ENOX1: variants seen among roughly 807,000 people sequenced by gnomAD.
The protein encoded by ENOX1 is ecto-NOX disulfide-thiol exchanger 1.
Under a neutral mutation model 82.5 loss-of-function variants are expected in ENOX1, and 42 were observed. The observed-to-expected ratio is 0.51, with a 90% CI of 0.40 to 0.66. The LOEUF (loss-of-function observed/expected upper bound fraction) is 0.66, where lower values mean the gene tolerates loss of function less well. ENOX1 is among the 30% of genes least tolerant of loss of function. The pLI is 0.00. For synonymous variants in ENOX1, 271 were observed against 282.2 expected (o/e 0.96, Z 0.40); for missense variants, 608 against 811.6 (o/e 0.75, Z 3.05).
intron 3 of ENOX1, among the ~76,000 whole-genome samples, chr13:43,464,396 T>G (rs1284044860): frequency 6.6e-6 from 1 of 152,042 alleles, no homozygotes; most frequent in Admixed American, 6.6e-5. Context: ...AGGGCAGTAC[T>G]TTTCAGAATA....
intron 11 of ENOX1, among the ~76,000 whole-genome samples, chr13:43,318,102 C>A (rs1250778528): frequency 2.6e-5 from 4 of 152,044 alleles, no homozygotes; most frequent in Non-Finnish European, 5.9e-5. Flanking sequence ...AGTGTCTGCT[C>A]CTATAAGGAG....
intron 3 of ENOX1, among the ~76,000 whole-genome samples, chr13:43,448,220 A>G (rs2056765277): frequency 6.6e-6 from 1 of 152,254 alleles, no homozygotes; most frequent in South Asian, 2.1e-4. Flanking sequence ...TTGCTTGCAA[A>G]CTTTGCAGGA....
chr13:43,430,799 G>A (rs1467939150), intron 3 of ENOX1, among the ~76,000 whole-genome samples: 1 of 152,124 alleles, frequency 6.6e-6, no homozygotes, highest in Non-Finnish European at 1.5e-5. Flanking sequence ...TCATCTCTTA[G>A]ATTTACAAAA....
At chr13:43,754,176 C>CGTATGTATGTATATATACATATGTATAT (rs1950504749) in intron 1 of ENOX1, among the ~76,000 whole-genome samples, 1 of 101,040 alleles carries the variant, frequency 9.9e-6, no homozygotes, top group African/African-American at 3.2e-5. Context: ...ATACATTACA[C>CGTATGTATGTATATATACATATGTATAT]GTATGTATGT....
intron 11 of ENOX1, among the ~76,000 whole-genome samples, chr13:43,300,390 G>C (rs1013039485): frequency 1.3e-5 from 2 of 152,084 alleles, no homozygotes; most frequent in Admixed American, 1.3e-4. Context: ...TAAATGAGTC[G>C]AGATGCATGA....
chr13:43,686,553 A>G (rs117123142), intron 1 of ENOX1, among the ~76,000 whole-genome samples: 1 of 152,186 alleles, frequency 6.6e-6, no homozygotes, highest in African/African-American at 2.4e-5. Flanking sequence ...AACCATATGA[A>G]TGTTGACCCA....
intron 1 of ENOX1, among the ~76,000 whole-genome samples, chr13:43,715,389 T>A (rs2088044930): frequency 6.6e-6 from 1 of 152,084 alleles, no homozygotes; most frequent in Admixed American, 6.5e-5. Context: ...ATTATGTGTC[T>A]TGGAGTTGCT....
chr13:43,271,180 A>G (rs2044657504), intron 12 of ENOX1, among the ~76,000 whole-genome samples: 1 of 152,232 alleles, frequency 6.6e-6, no homozygotes, highest in Non-Finnish European at 1.5e-5. Flanking sequence ...TAGGTAGCTC[A>G]TGTTTGCTTA....
chr13:43,542,055 A>G (rs991431662), intron 2 of ENOX1, among the ~76,000 whole-genome samples: 7 of 152,236 alleles, frequency 4.6e-5, no homozygotes, highest in Non-Finnish European at 1.0e-4. Flanking sequence ...AACGTCAATA[A>G]CAAATGATAC....
intron 2 of ENOX1, among the ~76,000 whole-genome samples, chr13:43,605,960 G>A (rs1215259390): frequency 6.6e-6 from 1 of 152,038 alleles, no homozygotes; most frequent in African/African-American, 2.4e-5. Context: ...AACTCTCTAG[G>A]AAGAAATCTA....
At chr13:43,259,793 G>C (rs1364641483) in intron 14 of ENOX1, among the ~76,000 whole-genome samples, 2 of 152,108 alleles carry the variant, frequency 1.3e-5, no homozygotes, top group Admixed American at 1.3e-4. Flanking sequence ...TTTTGATAGA[G>C]CTGTGGGTTG....
chr13:43,282,445 C>A (rs1593692411), intron 12 of ENOX1, among the ~76,000 whole-genome samples: 1 of 143,656 alleles, frequency 7.0e-6, no homozygotes, highest in South Asian at 2.2e-4. Flanking sequence ...GATTGGTATT[C>A]TTTTTTCTTT....
intron 3 of ENOX1, among the ~76,000 whole-genome samples, chr13:43,471,563 C>T (rs549736500): frequency 3.9e-5 from 6 of 152,166 alleles, no homozygotes; most frequent in South Asian, 4.2e-4. Context: ...GTAATCCCAG[C>T]GCTTTGGGAG....
At chr13:43,449,976 A>T (rs1049846432) in intron 3 of ENOX1, among the ~76,000 whole-genome samples, 3 of 152,212 alleles carry the variant, frequency 2.0e-5, no homozygotes, top group African/African-American at 7.2e-5. Flanking sequence ...AATGCTGTAA[A>T]TAAGTTTGTG....
At chr13:43,506,797 G>A (rs1440987326) in intron 2 of ENOX1, among the ~76,000 whole-genome samples, 86 of 149,006 alleles carry the variant, frequency 5.8e-4, no homozygotes, top group Admixed American at 4.1e-4. Context: ...GAGAACACAT[G>A]GACACAGGAA....
At chr13:43,459,464 C>A (rs183237947) in intron 3 of ENOX1, 38 of 152,286 alleles carry the variant, frequency 2.5e-4, no homozygotes, top group African/African-American at 8.9e-4. Flanking sequence ...TATCATTATA[C>A]AATAAACTGC....
intron 2 of ENOX1, among the ~76,000 whole-genome samples, chr13:43,603,619 T>G (rs962232132): frequency 1.1e-4 from 16 of 145,254 alleles, no homozygotes; most frequent in Middle Eastern, 3.5e-3. Flanking sequence ...TTCCCACCTA[T>G]GAGTGAGAAT....
At chr13:43,427,223 C>T (rs1222854759) in intron 3 of ENOX1, among the ~76,000 whole-genome samples, 1 of 152,278 alleles carries the variant, frequency 6.6e-6, no homozygotes, top group East Asian at 1.9e-4. Context: ...CCAGCCAACA[C>T]ACTCCCCAGA....
rs560161672 is a variant in ENOX1 at position 43,595,133 on chromosome 13, C to T, written c.-219+72346G>A. On this transcript the variant is annotated intron_variant, in intron 2 of 16. Coordinates refer to ENST00000690772, the MANE Select transcript of ENOX1 (RefSeq NM_001347969.2). Reference sequence around the variant, plus strand: ...GAGATGGTGCCTTAGGGAGGGAAAGCGGCATACCTAGATCAGAAGGAGCTT... The same window carrying T: ...GAGATGGTGCCTTAGGGAGGGAAAGTGGCATACCTAGATCAGAAGGAGCTT... 7.4e-5 allele frequency among the ~76,000 whole-genome samples: 11 copies of T among 147,950 alleles called. No homozygotes were observed. The East Asian group carries it at 7.9e-4, about 11-fold the overall frequency.
Sources: allele counts gnomAD v4.1 joint callset (sites outside exome capture counted in the v4.1 genomes callset), GRCh38; gene constraint gnomAD v4.1.1; transcripts MANE v1.5; gene names NCBI Gene and HGNC (gene_info 2026-07-23, HGNC 2026-07-21).